Variants in ECE1 observed in about 807,000 individuals in gnomAD.
ECE1 encodes endothelin-converting enzyme 1.
ECE1 carries 35 observed loss-of-function variants against 98.6 expected under a neutral mutation model. That is an observed-to-expected ratio of 0.35 (90% CI 0.27 to 0.47). ECE1 has a LOEUF of 0.47. ECE1 is among the 20% of genes least tolerant of loss of function. The probability of loss-of-function intolerance (pLI) is 1.00; values close to 1 mark genes in which losing one functional copy is unlikely to be tolerated. For missense variants in ECE1, 814 were observed against 1,025.3 expected (o/e 0.79, Z 2.81); for synonymous variants, 394 against 407.1 (o/e 0.97, Z 0.39).
chr1:21,233,481 A>G lies in ECE1; in HGVS notation c.1670+77T>C. ...TGATCGGGTGCACAGTGAGGGTGCAATGAAGGCCAGTTCGTCCCAAGGCTT... is the reference window on the plus strand; with the variant it reads ...TGATCGGGTGCACAGTGAGGGTGCAGTGAAGGCCAGTTCGTCCCAAGGCTT... On this transcript the variant is annotated intron_variant, in intron 14 of 18. Transcript: ENST00000374893. This position sits in a 1 kb window ranked among gnomAD's most constrained non-coding sequence, Gnocchi z 4.0. 1 of 1,364,900 alleles carries G rather than the reference A, an allele frequency of 7.3e-7. No homozygotes were observed. The highest frequency in any genetic ancestry group is 1.0e-6 in the Non-Finnish European group (1 of 961,954). 84.5% of individuals were successfully genotyped at this position (1,364,900 alleles called of 1,614,324 possible).
At chr1:21,329,473 A>C (rs995830364) in intron 1 of ECE1, among the ~76,000 whole-genome samples, 2 of 152,214 alleles carry the variant, frequency 1.3e-5, no homozygotes, top group African/African-American at 4.8e-5. Flanking sequence ...TGCAAATTCC[A>C]GTCCCTCTAC....
intron 1 of ECE1, among the ~76,000 whole-genome samples, chr1:21,320,788 G>T (rs1053257011): frequency 6.6e-6 from 1 of 152,204 alleles, no homozygotes; most frequent in African/African-American, 2.4e-5. Flanking sequence ...TCTGCGGAGG[G>T]TTCCTGAGGT....
intron 2 of ECE1, chr1:21,279,878 T>C (rs2098252368): frequency 3.7e-6 from 1 of 268,356 alleles, no homozygotes; most frequent in Non-Finnish European, 5.9e-6. Context: ...TCCAGAGAGG[T>C]GAGACCCTGG....
intron 1 of ECE1, among the ~76,000 whole-genome samples, chr1:21,338,759 A>G (rs1639347969): frequency 6.6e-6 from 1 of 152,238 alleles, no homozygotes; most frequent in African/African-American, 2.4e-5. Context: ...TGACCAGATC[A>G]GAGCCTGGGA....
intron 1 of ECE1, among the ~76,000 whole-genome samples, chr1:21,338,496 A>G (rs2103419014): frequency 6.6e-6 from 1 of 152,362 alleles, no homozygotes. Flanking sequence ...CCTTGCCCCA[A>G]GTCTCACAGT....
At chr1:21,315,952 G>T (rs1465087856) in intron 1 of ECE1, among the ~76,000 whole-genome samples, 1 of 152,158 alleles carries the variant, frequency 6.6e-6, no homozygotes, top group Non-Finnish European at 1.5e-5. Flanking sequence ...TTAAGAATGG[G>T]ACTTAACCTC....
At chr1:21,320,387 G>C (rs1288975896) in intron 1 of ECE1, among the ~76,000 whole-genome samples, 3 of 151,868 alleles carry the variant, frequency 2.0e-5, no homozygotes, top group Admixed American at 6.6e-5. Flanking sequence ...TTGCCTGCAG[G>C]GCTCATGGAA....
intron 1 of ECE1, among the ~76,000 whole-genome samples, chr1:21,305,796 G>A (rs983888201): frequency 2.0e-5 from 3 of 152,230 alleles, no homozygotes; most frequent in Admixed American, 1.3e-4. Flanking sequence ...CCCATGCCTG[G>A]TGGCTGGAAT....
chr1:21,304,847 G>A (rs2103382890), intron 1 of ECE1, among the ~76,000 whole-genome samples: 1 of 152,312 alleles, frequency 6.6e-6, no homozygotes, highest in East Asian at 1.9e-4. Flanking sequence ...GATAGGTCTG[G>A]AGGGGCTCAT....
intron 8 of ECE1, among the ~76,000 whole-genome samples, chr1:21,248,737 G>A (rs2098207704): frequency 6.6e-6 from 1 of 151,910 alleles, no homozygotes; most frequent in Non-Finnish European, 1.5e-5. Flanking sequence ...CGATTCTCCT[G>A]CCTCAGCCTC....
At chr1:21,254,683 A>G (rs1173652555) in intron 8 of ECE1, among the ~76,000 whole-genome samples, 3 of 152,110 alleles carry the variant, frequency 2.0e-5, no homozygotes, top group Middle Eastern at 3.4e-3. Flanking sequence ...ATTATAATGC[A>G]CAAACAACAT....
At chr1:21,266,938 C>G (rs1352284335) in intron 4 of ECE1, 1 of 152,218 alleles carries the variant, frequency 6.6e-6, no homozygotes, top group Non-Finnish European at 1.5e-5. Context: ...ATCGTTGAGT[C>G]AATGCTATTA....
At chr1:21,222,901 C>T (rs1162171979) in intron 17 of ECE1, among the ~76,000 whole-genome samples, 8 of 148,236 alleles carry the variant, frequency 5.4e-5, no homozygotes, top group East Asian at 2.0e-4. Context: ...CCAGCTGCAA[C>T]GCCAAGAAAC....
intron 8 of ECE1, among the ~76,000 whole-genome samples, chr1:21,250,339 T>C (rs941481167): frequency 2.0e-5 from 3 of 152,240 alleles, no homozygotes; most frequent in African/African-American, 7.2e-5. Flanking sequence ...CTGCTATTTT[T>C]AGTGTGCGAT....
At chr1:21,257,103 T>C (rs887143597) in intron 7 of ECE1, among the ~76,000 whole-genome samples, 1 of 152,172 alleles carries the variant, frequency 6.6e-6, no homozygotes, top group Non-Finnish European at 1.5e-5. Flanking sequence ...ACTGGCTATG[T>C]GACCTTGAGC....
chr1:21,258,851 G>T lies in ECE1; in HGVS notation c.616-12C>A, dbSNP rs371809275. ...TTCCAGCCCCCGAGCTGTGGGGAGG[G>T]AGAGCAGGCAGGGAGGTGATGAGGT... On this transcript the variant is annotated splice_polypyrimidine_tract_variant and intron_variant, in intron 5 of 18. Transcript: ENST00000374893. The surrounding 1 kb of genome is among the most constrained non-coding windows in gnomAD (Gnocchi z 4.2). 3 of 1,613,994 alleles carry T rather than the reference G, an allele frequency of 1.9e-6. No homozygotes were observed. The highest frequency in any genetic ancestry group is 2.7e-5 in the African/African-American group (2 of 74,944).
intron 4 of ECE1, among the ~76,000 whole-genome samples, chr1:21,264,654 T>A (rs1035681363): frequency 6.6e-6 from 1 of 152,110 alleles, no homozygotes; most frequent in African/African-American, 2.4e-5. Context: ...ATATCACGCA[T>A]CCCCAACAGG....
At chr1:21,289,413 C>G (rs2098263986) in intron 2 of ECE1, among the ~76,000 whole-genome samples, 1 of 152,036 alleles carries the variant, frequency 6.6e-6, no homozygotes, top group African/African-American at 2.4e-5. Context: ...TGTTACAAGG[C>G]AGGGACGGGG....
chr1:21,221,715 C>A, intron 18 of ECE1, 32 bp downstream of exon 18: 1 of 1,603,118 alleles, frequency 6.2e-7, no homozygotes, highest in Non-Finnish European at 8.5e-7. Flanking sequence ...GCAGAATGTA[C>A]CATGTGTGGC....
Sources: allele counts gnomAD v4.1 joint callset (sites outside exome capture counted in the v4.1 genomes callset), GRCh38; gene constraint gnomAD v4.1.1; non-coding constraint Gnocchi (gnomAD v3.1); transcripts MANE v1.5; gene names NCBI Gene and HGNC (gene_info 2026-07-23, HGNC 2026-07-21).